The following XKR9 variants were observed in gnomAD, a reference collection of about 807,000 sequenced individuals.
The protein encoded by XKR9 is XK-related protein 9.
In XKR9, 32 loss-of-function variants were observed where a neutral mutation model predicts 32.0. The observed-to-expected ratio is 1.00, with a 90% CI of 0.76 to 1.34. XKR9 has a LOEUF of 1.34. XKR9 is among the 40% of genes most tolerant of loss of function. The pLI is 0.00. For synonymous variants in XKR9, 168 were observed against 143.4 expected, an observed-to-expected ratio of 1.17 and a Z score of -1.22; for missense variants, 546 against 429.7, an observed-to-expected ratio of 1.27 and a Z score of -2.39.
the XKR9 span, among the ~76,000 whole-genome samples, chr8:70,920,283 G>A: frequency 1.3e-5 from 2 of 152,200 alleles, no homozygotes; most frequent in East Asian, 1.9e-4. Context: ...CATTGTGAAA[G>A]CCAGACATTA....
At chr8:70,775,811 C>A (rs555160082) in intron 2 of XKR9, among the ~76,000 whole-genome samples, 72 of 151,458 alleles carry the variant, frequency 4.8e-4, no homozygotes, top group Admixed American at 4.7e-3. Context: ...GTGGCGCAAT[C>A]ATGGCTCACT....
the XKR9 span, among the ~76,000 whole-genome samples, chr8:70,811,535 G>T: frequency 3.3e-5 from 5 of 152,186 alleles, no homozygotes; most frequent in African/African-American, 1.2e-4. Flanking sequence ...AAAATTGATA[G>T]ACTGGTAGCA....
Position 70,734,139 on chromosome 8 carries a change from G to A in XKR9, c.837G>A (p.Lys279=). 6.2e-7 allele frequency: 1 copy of A among 1,612,266 alleles called. No individual in the cohort carries two copies. The highest frequency in any genetic ancestry group is 8.5e-7 in the Non-Finnish European group (1 of 1,178,770). Residue 279 remains lysine, a synonymous_variant, in exon 5 of 5, where the codon AAG becomes AAA. Transcript: ENST00000408926. ...TTATCTTTACATTTTTTAATATTAA[G>A]GGACAGAATACCAAGTGTCCAATGT... is the stretch of plus-strand genomic sequence containing the variant. The part of the protein sequence containing the change: ...FILIFTFFNI[K]GQNTKCPMSC...
chr8:70,897,480 C>A, the XKR9 span, among the ~76,000 whole-genome samples: 1 of 152,284 alleles, frequency 6.6e-6, no homozygotes, highest in East Asian at 1.9e-4. Flanking sequence ...AGTGGTTATA[C>A]TAATTTACAT....
the XKR9 span, among the ~76,000 whole-genome samples, chr8:70,812,097 T>G: frequency 4.6e-5 from 7 of 152,074 alleles, no homozygotes; most frequent in African/African-American, 1.5e-4. Flanking sequence ...TCCACCATGA[T>G]CAAGTGGGCT....
the XKR9 span, among the ~76,000 whole-genome samples, chr8:70,879,432 G>C: frequency 6.6e-6 from 1 of 152,064 alleles, no homozygotes; most frequent in African/African-American, 2.4e-5. Flanking sequence ...AAGAAGAAAA[G>C]AGAGAAGAAT....
At chr8:70,728,934 T>C (rs1235883633) in intron 4 of XKR9, among the ~76,000 whole-genome samples, 5 of 152,210 alleles carry the variant, frequency 3.3e-5, no homozygotes, top group African/African-American at 7.2e-5. Context: ...GGAAAATTCC[T>C]CTCCTCTTGA....
chr8:70,834,465 C>T, the XKR9 span, among the ~76,000 whole-genome samples: 9 of 152,200 alleles, frequency 5.9e-5, no homozygotes, highest in Admixed American at 3.9e-4. Context: ...ATCTATGATT[C>T]TCCTATCCTG....
the XKR9 span, among the ~76,000 whole-genome samples, chr8:71,025,539 A>G: frequency 2.6e-5 from 4 of 152,230 alleles, no homozygotes; most frequent in Non-Finnish European, 5.9e-5. Flanking sequence ...AAGCTACTAC[A>G]TAAAATTGAG....
chr8:70,803,104 G>T, the XKR9 span, among the ~76,000 whole-genome samples: 10 of 151,852 alleles, frequency 6.6e-5, no homozygotes, highest in East Asian at 1.2e-3. Context: ...ACATAGATTT[G>T]GTCTCTTTAT....
At chr8:70,943,339 G>C in the XKR9 span, among the ~76,000 whole-genome samples, 2 of 152,074 alleles carry the variant, frequency 1.3e-5, no homozygotes, top group African/African-American at 4.8e-5. Context: ...GGACTAATAA[G>C]GCTTTTTGGC....
intron 4 of XKR9, among the ~76,000 whole-genome samples, chr8:70,717,516 C>A (rs1284755342): frequency 6.6e-6 from 1 of 152,290 alleles, no homozygotes; most frequent in African/African-American, 2.4e-5. Flanking sequence ...GAAGCAATGG[C>A]CTAAGCTTTA....
the XKR9 span, among the ~76,000 whole-genome samples, chr8:70,850,069 A>G: frequency 6.6e-6 from 1 of 152,298 alleles, no homozygotes; most frequent in Admixed American, 6.5e-5. Context: ...ATTCCTTCTG[A>G]AACTATTCCA....
At chr8:70,885,361 A>G in the XKR9 span, among the ~76,000 whole-genome samples, 1 of 152,130 alleles carries the variant, frequency 6.6e-6, no homozygotes, top group South Asian at 2.1e-4. Context: ...TATTAATAAA[A>G]CTACTATAAG....
chr8:70,867,641 G>A, the XKR9 span, among the ~76,000 whole-genome samples: 138 of 152,080 alleles, frequency 9.1e-4, no homozygotes, highest in Non-Finnish European at 1.5e-3. Flanking sequence ...TAGTAGAGAC[G>A]GGATTTCACT....
chr8:70,946,810 G>A, the XKR9 span, among the ~76,000 whole-genome samples: 2 of 152,204 alleles, frequency 1.3e-5, no homozygotes, highest in South Asian at 4.1e-4. Context: ...CAACACTGGG[G>A]AGGGGATGAA....
chr8:70,820,225 G>A, the XKR9 span, among the ~76,000 whole-genome samples: 15 of 152,264 alleles, frequency 9.9e-5, no homozygotes, highest in Non-Finnish European at 2.1e-4. Flanking sequence ...GAACCTATAG[G>A]CCTTGCTAAG....
chr8:71,001,710 G>T, the XKR9 span, among the ~76,000 whole-genome samples: 1 of 152,254 alleles, frequency 6.6e-6, no homozygotes, highest in Admixed American at 6.5e-5. Flanking sequence ...ATAAGGTAAT[G>T]GTGGCCCTGA....
At chr8:70,866,502 A>G in the XKR9 span, among the ~76,000 whole-genome samples, 4 of 152,230 alleles carry the variant, frequency 2.6e-5, no homozygotes, top group African/African-American at 9.6e-5. Flanking sequence ...TTAGCTATCT[A>G]GAGGCATTTC....
Sources: gnomAD v4.1 joint callset for allele counts (sites outside exome capture counted in the v4.1 genomes callset) on GRCh38, gnomAD v4.1.1 for gene constraint, MANE v1.5 for transcripts, NCBI Gene and HGNC (gene_info 2026-07-23, HGNC 2026-07-21) for gene names.